The following COPA variants were observed in gnomAD, a reference collection of about 807,000 sequenced individuals.
COPA encodes the protein coatomer subunit alpha.
A neutral mutation model predicts 158.7 loss-of-function variants in COPA; 10 were observed. The observed-to-expected ratio is 0.06, with a 90% confidence interval of 0.04 to 0.11. COPA has a LOEUF of 0.11. COPA is among the 10% of genes least tolerant of loss of function. The probability of loss-of-function intolerance (pLI) is 1.00; values close to 1 mark genes in which losing one functional copy is unlikely to be tolerated. For missense variants in COPA, 1,065 were observed against 1,536.7 expected (o/e 0.69, Z 5.13); for synonymous variants, 462 against 542.8 (o/e 0.85, Z 2.07).
At position 160,292,630 on chromosome 1, in the gene COPA, A is replaced by G. The variant is rs368409747; in HGVS notation, c.2824-10T>C. Reference sequence around the variant, plus strand: ...CTTGGTCATGAAGGAGCTGGAACAGAAGGAAAGAAACAAGGATTTTGGCCC... The same window carrying G: ...CTTGGTCATGAAGGAGCTGGAACAGGAGGAAAGAAACAAGGATTTTGGCCC... On this transcript the variant is annotated splice_polypyrimidine_tract_variant and intron_variant, in intron 27 of 32. Coordinates refer to ENST00000241704, the MANE Select transcript of COPA (RefSeq NM_004371.4). The G allele has an allele frequency of 1.1e-5, 18 of 1,574,022 alleles. No individual in the cohort carries two copies. The highest frequency in any genetic ancestry group is 1.5e-5 in the Non-Finnish European group (18 of 1,163,800).
chr1:160,293,120 G>A, intron 27 of COPA, 46 bp downstream of exon 27: 13 of 1,578,986 alleles, frequency 8.2e-6, no homozygotes, highest in Non-Finnish European at 1.1e-5. Context: ...ATCTCCCGGG[G>A]ACCCTGGGCT....
At position 160,332,571 on chromosome 1, in the gene COPA, A is replaced by T; in HGVS notation, c.387-14T>A. 1 of 1,567,390 alleles carries T rather than the reference A, an allele frequency of 6.4e-7. No homozygotes were observed. ...CCTGTTAACACACTGCAAGAAAAAA[A>T]AAAGACAATACCAAATTAGAGGTGG... On this transcript the variant is annotated splice_polypyrimidine_tract_variant and intron_variant, in intron 5 of 32. Transcript: ENST00000241704.
At position 160,317,457 on chromosome 1, in the gene COPA, T is replaced by C. The variant is rs1399822197; in HGVS notation, c.707-3332A>G. The C allele has an allele frequency of 8.1e-6, 13 of 1,609,086 alleles. No homozygotes were observed. In the Admixed American group the frequency reaches 2.2e-4, roughly 27 times the overall value. On this transcript the variant is annotated intron_variant, in intron 8 of 32. Transcript: ENST00000241704. ...AGGACTTGGGGGATAAGAAGGAAGG[T>C]GAATATATTAAACTCAAAGTCATTG... is the stretch of plus-strand genomic sequence containing the variant.
At chr1:160,292,745 C>A (rs745933477) in intron 27 of COPA, 125 bp from the exon 28 acceptor site, 3 of 715,108 alleles carry the variant, frequency 4.2e-6, no homozygotes, top group Non-Finnish European at 6.9e-6. Flanking sequence ...AATTGTAAGA[C>A]CTACCTCATT....
At chr1:160,309,710 G>T in intron 12 of COPA, among the ~76,000 whole-genome samples, 1 of 149,926 alleles carries the variant, frequency 6.7e-6, no homozygotes, top group South Asian at 2.1e-4. Context: ...TTTTAACTTG[G>T]CCACGAGGGC....
At chr1:160,326,767 C>A (rs1434797000) in intron 6 of COPA, among the ~76,000 whole-genome samples, 4 of 152,190 alleles carry the variant, frequency 2.6e-5, no homozygotes, top group African/African-American at 9.7e-5. Context: ...TAAGTTCCTG[C>A]TTAAAAGGCT....
intron 10 of COPA, 116 bp from the exon 11 acceptor site, chr1:160,312,134 C>A (rs41265797): frequency 0.039 from 35,707 of 916,436 alleles, 893 homozygotes; most frequent in Non-Finnish European, 0.047. Context: ...CTGAATGCAT[C>A]CCTTATTTGC....
intron 6 of COPA, 118 bp from the exon 7 acceptor site, chr1:160,325,770 G>A: frequency 1.3e-6 from 1 of 751,832 alleles, no homozygotes; most frequent in Non-Finnish European, 2.2e-6. Context: ...GGAAAAGACT[G>A]AAGAAAGAAA....
intron 15 of COPA, 27 bp from the exon 16 acceptor site, chr1:160,305,800 T>C: frequency 1.3e-6 from 2 of 1,570,536 alleles, no homozygotes; most frequent in Non-Finnish European, 1.8e-6. Flanking sequence ...TGTGCAAACA[T>C]GAATGGATCT....
At chr1:160,321,954 G>A (rs180750286) in intron 8 of COPA, among the ~76,000 whole-genome samples, 7 of 152,240 alleles carry the variant, frequency 4.6e-5, no homozygotes, top group African/African-American at 1.2e-4. Flanking sequence ...GAAAAAAGTT[G>A]AAGAGGACCC....
intron 1 of COPA, among the ~76,000 whole-genome samples, chr1:160,342,475 T>C (rs10752637): frequency 6.6e-6 from 1 of 151,948 alleles, no homozygotes; most frequent in Non-Finnish European, 1.5e-5. Flanking sequence ...AATACGAGAT[T>C]TCCAGATAAA....
chr1:160,290,703 G>A lies in COPA; in HGVS notation c.3421-17C>T, dbSNP rs769632251. 2 of 1,612,472 alleles carry A rather than the reference G, an allele frequency of 1.2e-6. No homozygotes were observed. The highest frequency in any genetic ancestry group is 1.3e-5 in the African/African-American group (1 of 75,004). The stretch of plus-strand genomic sequence containing the variant: ...TTTTCGGGTCTAGGGGAAGGAAGGA[G>A]TATTTAGGAGGACAGAAGGCTGCAG... On this transcript the variant is annotated splice_polypyrimidine_tract_variant and intron_variant, in intron 31 of 32. Coordinates refer to ENST00000241704, the MANE Select transcript of COPA (RefSeq NM_004371.4).
chr1:160,296,373 G>A (rs1453219629), intron 21 of COPA, among the ~76,000 whole-genome samples: 1 of 152,222 alleles, frequency 6.6e-6, no homozygotes, highest in African/African-American at 2.4e-5. Flanking sequence ...TACAAAGATT[G>A]TGGCTTCTAT....
intron 7 of COPA, 42 bp downstream of exon 7, chr1:160,325,501 G>T: frequency 6.7e-7 from 1 of 1,496,880 alleles, no homozygotes; most frequent in Non-Finnish European, 9.3e-7. Context: ...ACTTTCCCAA[G>T]ATGACAGCCC....
intron 5 of COPA, among the ~76,000 whole-genome samples, chr1:160,333,074 C>T (rs1219521427): frequency 2.6e-5 from 4 of 152,226 alleles, no homozygotes; most frequent in Non-Finnish European, 5.9e-5. Flanking sequence ...TAGGCACACG[C>T]CACCGCGTCC....
intron 6 of COPA, among the ~76,000 whole-genome samples, chr1:160,328,888 C>G (rs144957938): frequency 6.6e-6 from 1 of 152,182 alleles, no homozygotes; most frequent in East Asian, 1.9e-4. Context: ...CTTTAAAGAT[C>G]TCTATATTCT....
At chr1:160,303,130 C>G (rs1658669924) in intron 17 of COPA, among the ~76,000 whole-genome samples, 1 of 152,116 alleles carries the variant, frequency 6.6e-6, no homozygotes, top group African/African-American at 2.4e-5. Context: ...ACCTGGGAAG[C>G]AGAGGTTGCA....
intron 4 of COPA, among the ~76,000 whole-genome samples, chr1:160,333,965 ATGTG>A (rs59237821): frequency 0.59 from 89,553 of 150,932 alleles, 27,082 homozygotes; most frequent in African/African-American, 0.73. Context: ...TTACTTCTAT[ATGTG>A]TGTGTGTGTG....
At chr1:160,325,688 A>G (rs1381442425) in intron 6 of COPA, 36 bp from the exon 7 acceptor site, 15 of 1,458,212 alleles carry the variant, frequency 1.0e-5, no homozygotes, top group Non-Finnish European at 1.4e-5. Context: ...AAAGATGTAA[A>G]CATAATATTA....
Sources: allele counts gnomAD v4.1 joint callset (sites outside exome capture counted in the v4.1 genomes callset), GRCh38; gene constraint gnomAD v4.1.1; transcripts MANE v1.5; gene names NCBI Gene and HGNC (gene_info 2026-07-23, HGNC 2026-07-21).